Variants in NELL1 observed in about 807,000 individuals in gnomAD.
NELL1 encodes neural EGFL like 1.
Under a neutral mutation model 107.4 loss-of-function variants are expected in NELL1, and 76 were observed. The observed-to-expected ratio is 0.71, with a 90% confidence interval of 0.59 to 0.86. NELL1 has a LOEUF of 0.86. Among genes scored for constraint, NELL1 ranks in the 40% least tolerant of loss-of-function variants. NELL1 has a pLI of 0.00. For synonymous variants in NELL1, 353 were observed against 341.2 expected (o/e 1.03, Z -0.38); for missense variants, 1,024 against 1,005.5 (o/e 1.02, Z -0.25).
chr11:21,036,742 A>G (rs557139304), intron 12 of NELL1, among the ~76,000 whole-genome samples: 1 of 152,090 alleles, frequency 6.6e-6, no homozygotes, highest in African/African-American at 2.4e-5. Flanking sequence ...TCTCACACAC[A>G]CACACTCACA....
At chr11:20,989,625 T>G (rs894048594) in intron 12 of NELL1, among the ~76,000 whole-genome samples, 1 of 152,204 alleles carries the variant, frequency 6.6e-6, no homozygotes, top group African/African-American at 2.4e-5. Flanking sequence ...TTTTCTTCAA[T>G]AACTGCCCTC....
intron 2 of NELL1, among the ~76,000 whole-genome samples, chr11:20,704,543 C>T (rs1001712534): frequency 6.6e-6 from 1 of 152,138 alleles, no homozygotes; most frequent in Non-Finnish European, 1.5e-5. Flanking sequence ...TTGATCCTGT[C>T]ATTATGATGT....
rs184217294 is a variant in NELL1, at chr11:20,754,214, T to C, written c.185-29466T>C. On this transcript the variant is annotated intron_variant, in intron 2 of 19. Coordinates refer to ENST00000357134, the MANE Select transcript of NELL1 (RefSeq NM_006157.5). Reference sequence around the variant, plus strand: ...AAGTACCTCCAGGTTCTGGACTAAGTTATCTATTGCTATCTCACAGACAAG... The same window carrying C: ...AAGTACCTCCAGGTTCTGGACTAAGCTATCTATTGCTATCTCACAGACAAG... 2.9e-3 allele frequency among the ~76,000 whole-genome samples: 441 copies of C among 152,286 alleles called. 1 individual carries two copies. The highest frequency in any genetic ancestry group is 9.9e-3 in the African/African-American group (411 of 41,562).
At chr11:20,768,697 G>A (rs1374303557) in intron 2 of NELL1, among the ~76,000 whole-genome samples, 1 of 152,198 alleles carries the variant, frequency 6.6e-6, no homozygotes, top group Non-Finnish European at 1.5e-5. Context: ...TGTGAAGATG[G>A]AAGCAGAGAG....
At chr11:21,549,650 T>C (rs1451243699) in intron 16 of NELL1, among the ~76,000 whole-genome samples, 2 of 151,860 alleles carry the variant, frequency 1.3e-5, no homozygotes, top group Non-Finnish European at 2.9e-5. Flanking sequence ...CCATCTGTAA[T>C]TTATCCTAAT....
At chr11:20,916,095 A>T (rs1443915595) in intron 5 of NELL1, among the ~76,000 whole-genome samples, 1 of 151,922 alleles carries the variant, frequency 6.6e-6, no homozygotes, top group Non-Finnish European at 1.5e-5. Context: ...ACACATTTTC[A>T]TGCCAGTATG....
chr11:21,082,995 A>G (rs1854304950), intron 12 of NELL1, among the ~76,000 whole-genome samples: 1 of 152,334 alleles, frequency 6.6e-6, no homozygotes, highest in East Asian at 1.9e-4. Context: ...AGTACAGTGG[A>G]TAGACTATGT....
chr11:21,398,419 G>A (rs1852027114), intron 15 of NELL1, among the ~76,000 whole-genome samples: 1 of 151,712 alleles, frequency 6.6e-6, no homozygotes, highest in South Asian at 2.1e-4. Flanking sequence ...ATTCATAAAT[G>A]TGCATGAGTC....
chr11:21,442,104 A>G (rs531378163), intron 15 of NELL1, among the ~76,000 whole-genome samples: 1 of 152,240 alleles, frequency 6.6e-6, no homozygotes, highest in Middle Eastern at 3.2e-3. Flanking sequence ...ATAGAGAAAT[A>G]TAGTAGACTG....
rs927902080 is a variant in NELL1 at position 21,240,193 on chromosome 11, C to T, written c.1549+10739C>T. Among the ~76,000 whole-genome samples the T allele has an allele frequency of 3.3e-5, 5 of 151,942 alleles. No individual in the cohort carries two copies. The East Asian group carries it at 5.8e-4, about 18-fold the overall frequency. On this transcript the variant is annotated intron_variant, in intron 14 of 19. Transcript: ENST00000357134. ...CACTATTCCACCCCCAGAAATGCTACGTATTTTAGATGAACTGTTCATATT... is the reference window on the plus strand; with the variant it reads ...CACTATTCCACCCCCAGAAATGCTATGTATTTTAGATGAACTGTTCATATT...
At chr11:20,927,569 C>T (rs2293241) in intron 8 of NELL1, 127 bp downstream of exon 8, 518,093 of 780,096 alleles carry the variant, frequency 0.66, 177,288 homozygotes, top group Non-Finnish European at 0.71. Context: ...TACCTAGCAC[C>T]CACTAGCCAT....
chr11:21,495,539 G>A (rs181893081), intron 15 of NELL1, among the ~76,000 whole-genome samples: 286 of 152,164 alleles, frequency 1.9e-3, no homozygotes, highest in Admixed American at 4.1e-3. Flanking sequence ...TGGGATTGAT[G>A]GATCATACCG....
intron 15 of NELL1, among the ~76,000 whole-genome samples, chr11:21,488,545 G>T (rs1854706148): frequency 6.6e-6 from 1 of 152,108 alleles, no homozygotes; most frequent in African/African-American, 2.4e-5. Flanking sequence ...TGAGGACTAG[G>T]ATACCAGGTG....
intron 15 of NELL1, among the ~76,000 whole-genome samples, chr11:21,518,400 G>C (rs552928641): frequency 1.3e-5 from 2 of 152,176 alleles, no homozygotes; most frequent in South Asian, 4.2e-4. Flanking sequence ...ATTTGGAGGT[G>C]AATTATCTTA....
chr11:21,154,285 C>T (rs1441114120), intron 13 of NELL1, among the ~76,000 whole-genome samples: 1 of 152,140 alleles, frequency 6.6e-6, no homozygotes, highest in East Asian at 1.9e-4. Flanking sequence ...AGTAAATACA[C>T]ACATCTCAGA....
intron 15 of NELL1, among the ~76,000 whole-genome samples, chr11:21,379,199 G>C (rs909736150): frequency 4.6e-5 from 7 of 151,978 alleles, no homozygotes; most frequent in African/African-American, 1.4e-4. Context: ...CAATTGTGTA[G>C]ATATCAGGTA....
At chr11:21,309,258 A>ATG (rs1450505486) in intron 14 of NELL1, among the ~76,000 whole-genome samples, 140 of 45,392 alleles carry the variant, frequency 3.1e-3, no homozygotes, top group African/African-American at 0.01. Flanking sequence ...AAATATATAT[A>ATG]TGTATATATA....
chr11:21,100,542 G>A (rs570089007), intron 12 of NELL1, among the ~76,000 whole-genome samples: 10 of 152,234 alleles, frequency 6.6e-5, no homozygotes, highest in East Asian at 1.9e-4. Context: ...ACAGCTTAGC[G>A]GTTTCTCAAA....
chr11:21,292,046 A>T (rs1225111740), intron 14 of NELL1, among the ~76,000 whole-genome samples: 1 of 152,208 alleles, frequency 6.6e-6, no homozygotes, highest in Non-Finnish European at 1.5e-5. Flanking sequence ...CAACATTCCT[A>T]TTCAACACAG....
Sources: allele counts gnomAD v4.1 joint callset (sites outside exome capture counted in the v4.1 genomes callset), GRCh38; gene constraint gnomAD v4.1.1; transcripts MANE v1.5; gene names NCBI Gene and HGNC (gene_info 2026-07-23, HGNC 2026-07-21).